SPATA17: variants seen among roughly 807,000 people sequenced by gnomAD.
The protein encoded by SPATA17 is spermatogenesis associated 17, also known as spermatogenesis-associated protein 17.
In SPATA17, 53 loss-of-function variants were observed where a neutral mutation model predicts 62.2. The observed-to-expected ratio is 0.85, with a 90% CI of 0.68 to 1.07. The LOEUF (loss-of-function observed/expected upper bound fraction) is 1.07. SPATA17 is among the 50% of genes least tolerant of loss of function. The pLI is 0.00. For missense variants in SPATA17, 466 were observed against 425.5 expected (o/e 1.10, Z -0.84); for synonymous variants, 146 against 146.8 (o/e 0.99, Z 0.04).
At chr1:217,733,453 A>G (rs1251497059) in intron 5 of SPATA17, among the ~76,000 whole-genome samples, 1 of 152,166 alleles carries the variant, frequency 6.6e-6, no homozygotes, top group East Asian at 1.9e-4. Flanking sequence ...CATCACCTCC[A>G]TGAAACCTTT....
At position 217,869,951 on chromosome 1, in the gene SPATA17, C is replaced by T. The variant is rs577454221; in HGVS notation, c.*2932C>T. 1.3e-5 allele frequency: 2 copies of T among 152,112 alleles called. No individual in the cohort carries two copies. The highest frequency in any genetic ancestry group is 1.9e-4 in the East Asian group (1 of 5,174). The allele number at this position is 152,112 out of a possible 1,614,324, so 9.4% of individuals were successfully genotyped here. On this transcript the variant is annotated 3_prime_UTR_variant, in exon 11 of 11. Coordinates refer to ENST00000366933, the MANE Select transcript of SPATA17 (RefSeq NM_138796.4). ...AAGTCAAGCCACCATAAATAGCGGACCATCTGTATATCTGAAAGAAGATGA... is the reference window on the plus strand; with the variant it reads ...AAGTCAAGCCACCATAAATAGCGGATCATCTGTATATCTGAAAGAAGATGA...
chr1:217,782,091 G>T, intron 7 of SPATA17, 83 bp from the exon 8 acceptor site: 1 of 1,341,404 alleles, frequency 7.5e-7, no homozygotes, highest in South Asian at 1.9e-5. Flanking sequence ...GCTATACTTT[G>T]TAGATGTTCA....
At chr1:217,836,720 C>T (rs1461641148) in intron 9 of SPATA17, among the ~76,000 whole-genome samples, 1 of 152,068 alleles carries the variant, frequency 6.6e-6, no homozygotes, top group Admixed American at 6.6e-5. Context: ...AATTTCCAGC[C>T]TTCTCGGCTC....
chr1:217,864,210 A>G (rs187710272), intron 10 of SPATA17, among the ~76,000 whole-genome samples: 1 of 152,324 alleles, frequency 6.6e-6, no homozygotes, highest in East Asian at 1.9e-4. Context: ...GTATGAAGTA[A>G]TGTAAATAAA....
At chr1:217,734,403 A>C (rs982721289) in intron 5 of SPATA17, among the ~76,000 whole-genome samples, 6 of 152,120 alleles carry the variant, frequency 3.9e-5, no homozygotes, top group Non-Finnish European at 8.8e-5. Context: ...GGGTCTTACT[A>C]TGTTGCTCAG....
chr1:217,685,733 A>AT (rs1671201369), intron 5 of SPATA17, among the ~76,000 whole-genome samples: 2 of 152,154 alleles, frequency 1.3e-5, no homozygotes, highest in African/African-American at 4.8e-5. Context: ...TTATATGAGT[A>AT]TTTTATATAG....
At chr1:217,813,157 G>A (rs992990737) in intron 9 of SPATA17, among the ~76,000 whole-genome samples, 1 of 152,158 alleles carries the variant, frequency 6.6e-6, no homozygotes, top group African/African-American at 2.4e-5. Flanking sequence ...GGAATGGAGT[G>A]GGATGTAGAA....
At chr1:217,736,937 T>C (rs569794375) in intron 5 of SPATA17, among the ~76,000 whole-genome samples, 1 of 152,208 alleles carries the variant, frequency 6.6e-6, no homozygotes, top group Non-Finnish European at 1.5e-5. Flanking sequence ...GAAAGAGTAG[T>C]GACAGTTCAT....
chr1:217,819,901 A>G (rs1432610075), intron 9 of SPATA17, among the ~76,000 whole-genome samples: 1 of 152,102 alleles, frequency 6.6e-6, no homozygotes, highest in Non-Finnish European at 1.5e-5. Flanking sequence ...GTCATTCAAC[A>G]AATACTGAAC....
chr1:217,686,781 A>C (rs894279685), intron 5 of SPATA17, among the ~76,000 whole-genome samples: 3 of 152,202 alleles, frequency 2.0e-5, no homozygotes, highest in Non-Finnish European at 4.4e-5. Context: ...ATGCAGTGGC[A>C]CAATCTTGAC....
intron 4 of SPATA17, among the ~76,000 whole-genome samples, chr1:217,678,610 A>T (rs186280269): frequency 1.4e-4 from 21 of 152,320 alleles, no homozygotes; most frequent in African/African-American, 4.1e-4. Context: ...AATGGAGGGA[A>T]AATCTTTTCT....
intron 4 of SPATA17, among the ~76,000 whole-genome samples, chr1:217,680,194 A>G (rs558996234): frequency 1.3e-5 from 2 of 152,310 alleles, no homozygotes; most frequent in South Asian, 4.1e-4. Context: ...ACATGCAGTA[A>G]AAGTATGCTG....
chr1:217,770,811 G>A (rs1673418338), intron 6 of SPATA17, among the ~76,000 whole-genome samples: 1 of 151,890 alleles, frequency 6.6e-6, no homozygotes, highest in Non-Finnish European at 1.5e-5. Context: ...ATACGGAATG[G>A]TTCAAAGTAT....
Position 217,801,742 on chromosome 1 carries a change from T to C in SPATA17, c.897T>C (p.His299=). ...DNMFLPFSSY[H]KNEKYIPSMH... is the part of the protein sequence containing the mutation. ...GGTTTTTGCCATTTTCTTCATACCA[T>C]AAAAATGAAAAGTACATCCCATCAA... The change falls in exon 9 of 11, where the codon CAT becomes CAC. Residue 299 remains histidine (H), a synonymous_variant. Coordinates refer to ENST00000366933, the MANE Select transcript of SPATA17 (RefSeq NM_138796.4). The C allele has an allele frequency of 6.2e-7, 1 of 1,605,882 alleles. No individual in the cohort carries two copies. Among genetic ancestry groups the C allele is most frequent in the Non-Finnish European group, 8.5e-7 (1 of 1,177,294 alleles).
chr1:217,801,962 C>G, intron 9 of SPATA17, 112 bp downstream of exon 9: 1 of 1,111,180 alleles, frequency 9.0e-7, no homozygotes, highest in Non-Finnish European at 1.2e-6. Flanking sequence ...ATGGTAACAA[C>G]ATTTTTTATA....
intron 9 of SPATA17, among the ~76,000 whole-genome samples, chr1:217,818,875 C>T (rs1367783120): frequency 8.2e-6 from 1 of 121,928 alleles, no homozygotes; most frequent in Non-Finnish European, 1.7e-5. Context: ...TTACTTATTT[C>T]ATTTTCCTTT....
intron 6 of SPATA17, among the ~76,000 whole-genome samples, chr1:217,746,052 A>T (rs977474518): frequency 4.6e-5 from 7 of 152,052 alleles, no homozygotes; most frequent in Non-Finnish European, 1.0e-4. Flanking sequence ...AGTTGTTTAC[A>T]AATTAATTTC....
intron 3 of SPATA17, among the ~76,000 whole-genome samples, chr1:217,652,305 C>T (rs1303789745): frequency 1.3e-5 from 2 of 152,178 alleles, no homozygotes; most frequent in Non-Finnish European, 1.5e-5. Context: ...GATTTCGTCT[C>T]ACCGCAACCT....
Position 217,850,583 on chromosome 1 carries a change from C to T in SPATA17, c.1006-12191C>T, listed in dbSNP as rs576074403. The T allele has an allele frequency of 1.9e-6, 3 of 1,596,604 alleles. No homozygotes were observed. The South Asian group carries it at 3.3e-5, about 18-fold the overall frequency. ...CATTTTCGATGGTGTCACTGGGCTC[C>T]ACTTCAAGGGTGATGGTCTTGCCAG... On this transcript the variant is annotated intron_variant, in intron 9 of 10. Transcript: ENST00000366933.
Sources: allele counts gnomAD v4.1 joint callset (sites outside exome capture counted in the v4.1 genomes callset), GRCh38; gene constraint gnomAD v4.1.1; transcripts MANE v1.5; gene names NCBI Gene and HGNC (gene_info 2026-07-23, HGNC 2026-07-21).